MS4A15: variants seen among roughly 807,000 people sequenced by gnomAD.
MS4A15 encodes membrane-spanning 4-domains subfamily A member 15.
Under a neutral mutation model 20.6 loss-of-function variants are expected in MS4A15, and 22 were observed. That is an observed-to-expected ratio of 1.07 (90% CI 0.76 to 1.52). MS4A15 has a LOEUF of 1.52. Ranked by LOEUF, MS4A15 falls within the 40% of genes most tolerant of loss-of-function variation. The pLI is 0.00. For missense variants in MS4A15, 312 were observed against 323.0 expected (o/e 0.97, Z 0.26); for synonymous variants, 129 against 129.3 (o/e 1.00, Z 0.02).
intron 3 of MS4A15, among the ~76,000 whole-genome samples, chr11:60,769,597 G>A (rs1406991755): frequency 1.3e-5 from 2 of 152,086 alleles, no homozygotes; most frequent in African/African-American, 2.4e-5. Flanking sequence ...GCTTGATGCT[G>A]AAAAGGCAAC....
chr11:60,773,532 C>T (rs780921730), intron 5 of MS4A15, 48 bp downstream of exon 5: 1 of 1,537,064 alleles, frequency 6.5e-7, no homozygotes. Context: ...GAAAATGATG[C>T]AGCCATGTCC....
At chr11:60,774,244 G>A (rs544292067) in intron 6 of MS4A15, among the ~76,000 whole-genome samples, 5 of 151,018 alleles carry the variant, frequency 3.3e-5, no homozygotes, top group South Asian at 2.1e-4. Flanking sequence ...AGATCCTATC[G>A]CTACAAAAAA....
chr11:60,761,081 CT>C (rs1356543805), intron 1 of MS4A15, among the ~76,000 whole-genome samples: 5 of 152,268 alleles, frequency 3.3e-5, no homozygotes, highest in African/African-American at 1.2e-4. Context: ...CTAAATCCCC[CT>C]GTTTTTAATG....
At chr11:60,769,054 C>G (rs1853959251) in intron 3 of MS4A15, among the ~76,000 whole-genome samples, 1 of 152,176 alleles carries the variant, frequency 6.6e-6, no homozygotes, top group Non-Finnish European at 1.5e-5. Flanking sequence ...ATCGGGAGAA[C>G]CCATGGGGAG....
intron 4 of MS4A15, chr11:60,771,774 T>C (rs975785464): frequency 7.5e-6 from 9 of 1,207,910 alleles, no homozygotes; most frequent in African/African-American, 1.6e-5. Flanking sequence ...AGAAGGAAAG[T>C]GGAAAGAAAT....
Position 60,766,248 on chromosome 11 carries a change from G to A in MS4A15, c.226-1285G>A, listed in dbSNP as rs1394523773. Among the ~76,000 whole-genome samples, 3 of 152,192 alleles carry A rather than the reference G, an allele frequency of 2.0e-5. No homozygotes were observed. The East Asian group carries it at 5.8e-4, about 29-fold the overall frequency. ...GTACAAAAATTAGCCAGGTGTGGTG[G>A]CAGGCACCTGTAATCCCCATTACTC... On this transcript the variant is annotated intron_variant, in intron 2 of 6. Coordinates refer to ENST00000405633, the MANE Select transcript of MS4A15 (RefSeq NM_001098835.2).
At chr11:60,771,715 G>T in intron 4 of MS4A15, 1 of 1,283,844 alleles carries the variant, frequency 7.8e-7, no homozygotes, top group Non-Finnish European at 1.0e-6. Context: ...TGTGGGCAGG[G>T]TCGCCACTGA....
intron 3 of MS4A15, among the ~76,000 whole-genome samples, chr11:60,770,573 G>A (rs944223650): frequency 2.7e-5 from 4 of 150,418 alleles, no homozygotes; most frequent in Admixed American, 6.6e-5. Flanking sequence ...ACTCCAGCCT[G>A]TGTGACAGAG....
At chr11:60,768,570 C>T (rs553830174) in intron 3 of MS4A15, among the ~76,000 whole-genome samples, 8 of 152,318 alleles carry the variant, frequency 5.3e-5, no homozygotes, top group East Asian at 3.9e-4. Flanking sequence ...GTCAGGTCAA[C>T]GGGGTCTGAA....
At chr11:60,759,291 A>G (rs1174179553) in intron 1 of MS4A15, among the ~76,000 whole-genome samples, 1 of 152,228 alleles carries the variant, frequency 6.6e-6, no homozygotes, top group Admixed American at 6.5e-5. Flanking sequence ...GGTTTAAGGG[A>G]TTTAGGGGTA....
intron 1 of MS4A15, among the ~76,000 whole-genome samples, chr11:60,762,804 G>A (rs1400673876): frequency 6.6e-6 from 1 of 152,184 alleles, no homozygotes; most frequent in Non-Finnish European, 1.5e-5. Context: ...TTGGGGCATG[G>A]AAAAATACTG....
At chr11:60,764,068 T>C in intron 2 of MS4A15, 110 bp downstream of exon 2, 2 of 999,688 alleles carry the variant, frequency 2.0e-6, no homozygotes, top group Non-Finnish European at 2.9e-6. Context: ...TATGTAGTAA[T>C]GACTCAAAGA....
intron 1 of MS4A15, among the ~76,000 whole-genome samples, chr11:60,759,672 GA>G (rs1303935320): frequency 3.3e-5 from 5 of 152,180 alleles, no homozygotes; most frequent in African/African-American, 1.2e-4. Flanking sequence ...TGAGATAGGA[GA>G]AAACTGCCCT....
chr11:60,771,518 T>G, intron 4 of MS4A15, 171 bp downstream of exon 4: 1 of 1,535,418 alleles, frequency 6.5e-7, no homozygotes, highest in Non-Finnish European at 8.7e-7. Flanking sequence ...AGACTGTGCA[T>G]GTCCAGGAGA....
At chr11:60,765,578 G>T (rs1853864083) in intron 2 of MS4A15, among the ~76,000 whole-genome samples, 1 of 152,160 alleles carries the variant, frequency 6.6e-6, no homozygotes, top group Non-Finnish European at 1.5e-5. Flanking sequence ...CGAAACTGAG[G>T]TTTCTTAAGA....
rs1370129282 is a variant in MS4A15, at chr11:60,771,302, C to T, written c.360C>T (p.Ser120=). The change falls in exon 4 of 7, where the codon TCC becomes TCT. Residue 120 remains serine (S), a synonymous_variant. Transcript: ENST00000405633. ...CTCTCCCCATACAGTTCATCATCTC[C>T]GGATCCCTCTCAGTGGCAGCCGAGA... is the stretch of plus-strand genomic sequence containing the variant. The part of the protein sequence containing the change: ...PFWGGACFII[S]GSLSVAAEKN... 24 of 1,613,932 alleles carry T rather than the reference C, an allele frequency of 1.5e-5. No homozygotes were observed. The highest frequency in any genetic ancestry group is 1.7e-5 in the Non-Finnish European group (20 of 1,180,038).
intron 1 of MS4A15, among the ~76,000 whole-genome samples, 177 bp from the exon 2 acceptor site, chr11:60,763,529 C>T (rs183494760): frequency 2.5e-4 from 38 of 152,312 alleles, no homozygotes; most frequent in African/African-American, 8.9e-4. Flanking sequence ...CACCTACAGG[C>T]CCTTGACCTC....
chr11:60,775,746 C>T lies in MS4A15; in HGVS notation c.*31C>T. The T allele has an allele frequency of 1.3e-6, 2 of 1,574,478 alleles. No individual in the cohort carries two copies. The highest frequency in any genetic ancestry group is 1.7e-6 in the Non-Finnish European group (2 of 1,147,914). ...AGATGTGGCACCTGCGGGTGGAGTC[C>T]AGCCTTTTCCCTCTGGGCCCAGCCT... is the stretch of plus-strand genomic sequence containing the variant. On this transcript the variant is annotated 3_prime_UTR_variant, in exon 7 of 7. Coordinates refer to ENST00000405633, the MANE Select transcript of MS4A15 (RefSeq NM_001098835.2).
At chr11:60,762,370 G>T (rs765589148) in intron 1 of MS4A15, among the ~76,000 whole-genome samples, 37 of 152,172 alleles carry the variant, frequency 2.4e-4, no homozygotes, top group Non-Finnish European at 4.7e-4. Flanking sequence ...CCATATAATA[G>T]CTCCCAATAT....
Sources: gnomAD v4.1 joint callset for allele counts (sites outside exome capture counted in the v4.1 genomes callset) on GRCh38, gnomAD v4.1.1 for gene constraint, MANE v1.5 for transcripts, NCBI Gene and HGNC (gene_info 2026-07-23, HGNC 2026-07-21) for gene names.